Variants in THEMIS observed in about 807,000 individuals in gnomAD.
The protein encoded by THEMIS is thymocyte selection associated.
Under a neutral mutation model 52.6 loss-of-function variants are expected in THEMIS, and 37 were observed. That is an observed-to-expected ratio of 0.70 (90% CI 0.54 to 0.93). The LOEUF (loss-of-function observed/expected upper bound fraction) is 0.93, where lower values mean the gene tolerates loss of function less well. Among genes scored for constraint, THEMIS ranks in the 40% least tolerant of loss-of-function variants. The pLI, the probability that THEMIS is intolerant of heterozygous loss-of-function variation, is 0.00. For missense variants in THEMIS, 808 were observed against 763.1 expected (o/e 1.06, Z -0.69); for synonymous variants, 292 against 272.7 (o/e 1.07, Z -0.70).
In THEMIS at chr6:127,813,054, C is replaced by T. The variant is rs1422442297; in HGVS notation, c.1587G>A (p.Arg529=). Residue 529 remains arginine (R), a synonymous_variant, in exon 4 of 6, where the codon AGG becomes AGA. Coordinates refer to ENST00000368248, the MANE Select transcript of THEMIS (RefSeq NM_001010923.3). Reference sequence around the variant, plus strand: ...CTTCAGTGATCTCTTCTACCAGAGTCCTGACTAGAAATGGTTCTGCATCCC... The same window carrying T: ...CTTCAGTGATCTCTTCTACCAGAGTTCTGACTAGAAATGGTTCTGCATCCC... The part of the protein sequence containing the change: ...FSRDAEPFLV[R]TLVEEITEEQ... The T allele has an allele frequency of 1.2e-6, 2 of 1,614,084 alleles. No homozygotes were observed. The highest frequency in any genetic ancestry group is 8.5e-7 in the Non-Finnish European group (1 of 1,180,018).
chr6:127,798,090 G>A (rs755818773), intron 4 of THEMIS, among the ~76,000 whole-genome samples: 1 of 152,184 alleles, frequency 6.6e-6, no homozygotes, highest in Admixed American at 6.5e-5. Context: ...AATCATGCAC[G>A]TATGTGTGTC....
At chr6:127,858,589 T>A (rs1388233991) in intron 1 of THEMIS, among the ~76,000 whole-genome samples, 4 of 152,228 alleles carry the variant, frequency 2.6e-5, no homozygotes, top group African/African-American at 9.6e-5. Flanking sequence ...TGGTGAATTT[T>A]AAAAATATCC....
intron 4 of THEMIS, among the ~76,000 whole-genome samples, chr6:127,778,826 G>A (rs1427984906): frequency 7.5e-6 from 1 of 132,818 alleles, no homozygotes; most frequent in East Asian, 2.0e-4. Context: ...AGTCACTCAA[G>A]TGGAATTTTT....
At chr6:127,872,049 C>T (rs566442947) in intron 1 of THEMIS, among the ~76,000 whole-genome samples, 1 of 152,134 alleles carries the variant, frequency 6.6e-6, no homozygotes, top group East Asian at 1.9e-4. Context: ...AGACAAAAAT[C>T]CTTCACAGAA....
At chr6:127,706,689 TAGAA>T (rs1360995315), downstream of THEMIS, among the ~76,000 whole-genome samples, 3 of 151,986 alleles carry the variant, frequency 2.0e-5, no homozygotes, top group African/African-American at 7.3e-5. Context: ...GGGAAGGAGA[TAGAA>T]AGACCAATAA....
At chr6:127,821,688 C>A (rs999843019) in intron 3 of THEMIS, among the ~76,000 whole-genome samples, 1 of 151,848 alleles carries the variant, frequency 6.6e-6, no homozygotes, top group Admixed American at 6.6e-5. Flanking sequence ...ACTGTAACAA[C>A]CCTCTTAACT....
chr6:127,771,630 C>A (rs1397724872), intron 4 of THEMIS, among the ~76,000 whole-genome samples: 1 of 152,158 alleles, frequency 6.6e-6, no homozygotes, highest in Non-Finnish European at 1.5e-5. Context: ...ACATTCTGAT[C>A]TTTGAAAAAT....
intron 4 of THEMIS, among the ~76,000 whole-genome samples, chr6:127,756,639 G>A (rs1401655943): frequency 1.3e-5 from 2 of 152,084 alleles, no homozygotes; most frequent in Non-Finnish European, 2.9e-5. Context: ...CAGCCTAGAA[G>A]GATTACGTCT....
At chr6:127,820,262 A>T (rs1343007615) in intron 3 of THEMIS, among the ~76,000 whole-genome samples, 2 of 152,138 alleles carry the variant, frequency 1.3e-5, no homozygotes, top group Non-Finnish European at 2.9e-5. Context: ...TAATTTGATG[A>T]TGAGGATAAA....
At chr6:127,853,769 A>G (rs565705955) in intron 2 of THEMIS, among the ~76,000 whole-genome samples, 1 of 151,778 alleles carries the variant, frequency 6.6e-6, no homozygotes, top group South Asian at 2.1e-4. Flanking sequence ...AATATATTTC[A>G]ATACGTAGCC....
intron 4 of THEMIS, among the ~76,000 whole-genome samples, chr6:127,729,741 C>T (rs938963203): frequency 6.6e-6 from 1 of 152,160 alleles, no homozygotes; most frequent in Non-Finnish European, 1.5e-5. Flanking sequence ...GCTTACTGCT[C>T]CTTTTGTTCC....
At chr6:127,854,209 C>T (rs1779523441) in intron 2 of THEMIS, among the ~76,000 whole-genome samples, 1 of 151,656 alleles carries the variant, frequency 6.6e-6, no homozygotes, top group Non-Finnish European at 1.5e-5. Flanking sequence ...TGCTTGTCAC[C>T]TGTTTTTGTA....
chr6:127,913,515 A>G (rs191149166), intron 1 of THEMIS, among the ~76,000 whole-genome samples: 2 of 152,298 alleles, frequency 1.3e-5, no homozygotes, highest in East Asian at 3.9e-4. Context: ...TGTTGTATTT[A>G]ATTGAATAAT....
At chr6:127,854,699 T>C (rs1779556524) in intron 2 of THEMIS, among the ~76,000 whole-genome samples, 2 of 151,834 alleles carry the variant, frequency 1.3e-5, no homozygotes, top group African/African-American at 4.8e-5. Context: ...GTTACTTAGT[T>C]CTACAGAATT....
intron 2 of THEMIS, among the ~76,000 whole-genome samples, chr6:127,830,690 A>AAAAAAAT (rs545468594): frequency 2.6e-5 from 4 of 152,048 alleles, no homozygotes; most frequent in Non-Finnish European, 5.9e-5. Flanking sequence ...TGTCTCTCAA[A>AAAAAAAT]AAAAAATAAA....
intron 1 of THEMIS, 75 bp downstream of exon 1, chr6:127,900,767 T>C (rs960039153): frequency 8.7e-6 from 11 of 1,263,530 alleles, no homozygotes; most frequent in Non-Finnish European, 1.2e-5. Context: ...CTGTTAAAAT[T>C]CCCCCCCTCC....
chr6:127,804,522 C>A (rs1225564362), intron 4 of THEMIS, among the ~76,000 whole-genome samples: 1 of 152,092 alleles, frequency 6.6e-6, no homozygotes, highest in Non-Finnish European at 1.5e-5. Flanking sequence ...TAATGAGCAG[C>A]TGGTGTTTTT....
chr6:127,707,145 A>G (rs1456525389), downstream of THEMIS, among the ~76,000 whole-genome samples: 1 of 152,134 alleles, frequency 6.6e-6, no homozygotes, highest in Non-Finnish European at 1.5e-5. Flanking sequence ...TCAGGGGAAC[A>G]GCATGGGGGA....
intron 4 of THEMIS, among the ~76,000 whole-genome samples, chr6:127,770,734 A>G (rs1391791452): frequency 1.3e-5 from 2 of 152,036 alleles, no homozygotes; most frequent in Admixed American, 6.5e-5. Flanking sequence ...GTTTTCTTCT[A>G]TGGTTTTTGT....
Sources: gnomAD v4.1 joint callset for allele counts (sites outside exome capture counted in the v4.1 genomes callset) on GRCh38, gnomAD v4.1.1 for gene constraint, MANE v1.5 for transcripts, NCBI Gene and HGNC (gene_info 2026-07-23, HGNC 2026-07-21) for gene names.